TBCE: variants seen among roughly 807,000 people sequenced by gnomAD.
TBCE encodes the protein tubulin folding cofactor E.
A neutral mutation model predicts 77.0 loss-of-function variants in TBCE; 53 were observed. That is an observed-to-expected ratio of 0.69 (90% CI 0.55 to 0.87). The LOEUF (loss-of-function observed/expected upper bound fraction) is 0.87. Among genes scored for constraint, TBCE ranks in the 40% least tolerant of loss-of-function variants. The pLI is 0.00. For missense variants in TBCE, 624 were observed against 622.4 expected, an observed-to-expected ratio of 1.00 and a Z score of -0.03; for synonymous variants, 235 against 241.3, an observed-to-expected ratio of 0.97 and a Z score of 0.24.
At chr1:235,398,284 TACAGGC>T (rs1558359932) in intron 2 of TBCE, among the ~76,000 whole-genome samples, 1 of 151,796 alleles carries the variant, frequency 6.6e-6, no homozygotes, top group Non-Finnish European at 1.5e-5. Context: ...TAGCTGGGAT[TACAGGC>T]ACCCGCCACC....
chr1:235,413,370 A>G (rs1209245986), intron 3 of TBCE, among the ~76,000 whole-genome samples: 1 of 151,848 alleles, frequency 6.6e-6, no homozygotes, highest in African/African-American at 2.4e-5. Flanking sequence ...CTTTAAAAAA[A>G]AAAAAAAAAA....
chr1:235,436,502 T>C, intron 10 of TBCE, 42 bp from the exon 11 acceptor site: 1 of 1,611,506 alleles, frequency 6.2e-7, no homozygotes, highest in Non-Finnish European at 8.5e-7. Context: ...ATACTTCAGC[T>C]ACTTTCACTT....
At chr1:235,427,537 C>T (rs1680797086) in intron 6 of TBCE, among the ~76,000 whole-genome samples, 4 of 152,202 alleles carry the variant, frequency 2.6e-5, no homozygotes, top group Admixed American at 2.0e-4. Context: ...AAGATGGCAG[C>T]TCCATCTTCC....
At chr1:235,372,489 G>C (rs1677029138) in intron 1 of TBCE, among the ~76,000 whole-genome samples, 1 of 152,162 alleles carries the variant, frequency 6.6e-6, no homozygotes, top group Admixed American at 6.6e-5. Flanking sequence ...AACAGCATTA[G>C]AGAAATGATT....
Position 235,435,837 on chromosome 1 carries a change from C to T in TBCE, c.830C>T (p.Pro277Leu). ...CAGCTGTATCTGATAGCCCACCTGC[C>T]CAGGTAATTTGCCCCTAAATGCCTG... ...ENQLYLIAHL[P>L]RLEQLILSDT... The change falls in exon 9 of 17, where the codon CCC becomes CTC. Residue 277 changes from proline (P) to leucine (L), a missense_variant. By Grantham distance (98) the Pro-to-Leu change is moderately conservative. Transcript: ENST00000642610. 1 of 1,613,876 alleles carries T rather than the reference C, an allele frequency of 6.2e-7. No individual in the cohort carries two copies. The highest frequency in any genetic ancestry group is 2.2e-5 in the East Asian group (1 of 44,878).
intron 1 of TBCE, among the ~76,000 whole-genome samples, chr1:235,378,317 C>T (rs1177727609): frequency 6.6e-6 from 1 of 152,024 alleles, no homozygotes; most frequent in Non-Finnish European, 1.5e-5. Context: ...GTCTTCTGGG[C>T]TCACATGATC....
chr1:235,375,282 G>T (rs1290499161), intron 1 of TBCE, among the ~76,000 whole-genome samples: 1 of 152,056 alleles, frequency 6.6e-6, no homozygotes, highest in East Asian at 1.9e-4. Flanking sequence ...ATTTAAGTGG[G>T]CTATCTTCAT....
At chr1:235,404,272 G>A (rs954756565) in intron 3 of TBCE, among the ~76,000 whole-genome samples, 5 of 129,554 alleles carry the variant, frequency 3.9e-5, no homozygotes, top group South Asian at 2.5e-4. Context: ...GCAAGACTCC[G>A]GCTCAAGAAA....
chr1:235,430,924 T>C (rs1369930262), intron 7 of TBCE, 120 bp downstream of exon 7: 1 of 839,628 alleles, frequency 1.2e-6, no homozygotes, highest in East Asian at 2.8e-5. Flanking sequence ...CATCCCAGTA[T>C]CTATTAATAG....
intron 13 of TBCE, among the ~76,000 whole-genome samples, chr1:235,440,328 TG>T (rs1681786857): frequency 1.3e-5 from 2 of 151,748 alleles, no homozygotes; most frequent in Admixed American, 6.6e-5. Context: ...AGGTTTCAGG[TG>T]GCGCACCATG....
Position 235,434,288 on chromosome 1 carries a change from G to A in TBCE, c.737+8G>A. The A allele has an allele frequency of 1.9e-6, 3 of 1,611,526 alleles. No homozygotes were observed. Among genetic ancestry groups the A allele is most frequent in the Non-Finnish European group, 1.7e-6 (2 of 1,177,706 alleles). ...CATTTTCATTTCCGAAAGGTAACTA[G>A]CACTTACTTAAATGCATCTATCCCC... On this transcript the variant is annotated splice_region_variant and intron_variant, in intron 8 of 16. Coordinates refer to ENST00000642610, the MANE Select transcript of TBCE (RefSeq NM_003193.5).
At chr1:235,400,786 C>A (rs1211596349) in intron 2 of TBCE, among the ~76,000 whole-genome samples, 1 of 151,534 alleles carries the variant, frequency 6.6e-6, no homozygotes, top group Non-Finnish European at 1.5e-5. Flanking sequence ...CCTCCGCCTC[C>A]CGGGTTCAAG....
At chr1:235,406,782 G>A (rs916177583) in intron 3 of TBCE, among the ~76,000 whole-genome samples, 3 of 150,184 alleles carry the variant, frequency 2.0e-5, no homozygotes, top group Admixed American at 6.7e-5. Context: ...TGCCCACCTC[G>A]GCCTCCCAAA....
chr1:235,383,230 A>T (rs1286537967), intron 2 of TBCE, among the ~76,000 whole-genome samples: 1 of 151,316 alleles, frequency 6.6e-6, no homozygotes, highest in Admixed American at 6.6e-5. Flanking sequence ...CTTGTAGTAT[A>T]GTTTGAAGTC....
intron 4 of TBCE, 35 bp downstream of exon 4, chr1:235,414,653 A>G (rs1338271589): frequency 6.2e-7 from 1 of 1,605,282 alleles, no homozygotes; most frequent in Middle Eastern, 1.7e-4. Flanking sequence ...GCTGACTTTT[A>G]TGGTTTTATT....
chr1:235,396,729 C>A (rs1464332122), intron 2 of TBCE, among the ~76,000 whole-genome samples: 1 of 152,104 alleles, frequency 6.6e-6, no homozygotes, highest in Non-Finnish European at 1.5e-5. Flanking sequence ...CTCTGATGAT[C>A]AGTGATGTTG....
intron 16 of TBCE, 55 bp downstream of exon 16, chr1:235,448,495 A>ACAT (rs1682629741): frequency 6.5e-7 from 1 of 1,535,774 alleles, no homozygotes. Flanking sequence ...TCGTATTATG[A>ACAT]CATTAAACTG....
At chr1:235,440,714 GC>G in intron 13 of TBCE, 1 of 152,226 alleles carries the variant, frequency 6.6e-6, no homozygotes, top group Non-Finnish European at 1.5e-5. Flanking sequence ...TTTTTTTAAA[GC>G]CCCCCAGGTA....
intron 1 of TBCE, among the ~76,000 whole-genome samples, chr1:235,371,517 C>T (rs1019820515): frequency 2.0e-5 from 3 of 149,416 alleles, no homozygotes; most frequent in Non-Finnish European, 3.0e-5. Flanking sequence ...TGGGATTATA[C>T]GCGTGTGCCA....
Sources: gnomAD v4.1 joint callset for allele counts (sites outside exome capture counted in the v4.1 genomes callset) on GRCh38, gnomAD v4.1.1 for gene constraint, MANE v1.5 for transcripts, NCBI Gene and HGNC (gene_info 2026-07-23, HGNC 2026-07-21) for gene names.